Variants in SGO1 observed in about 807,000 individuals in gnomAD.
SGO1 encodes the protein shugoshin 1, also known as serologically defined breast cancer antigen NY-BR-85.
SGO1 carries 39 observed loss-of-function variants against 50.5 expected under a neutral mutation model. The observed-to-expected ratio is 0.77, with a 90% CI of 0.60 to 1.01. SGO1 has a LOEUF of 1.01. SGO1 is among the 50% of genes least tolerant of loss of function. The pLI, the probability that SGO1 is intolerant of heterozygous loss-of-function variation, is 0.00. For synonymous variants in SGO1, 191 were observed against 205.1 expected, an observed-to-expected ratio of 0.93 and a Z score of 0.59; for missense variants, 638 against 606.0, an observed-to-expected ratio of 1.05 and a Z score of -0.55.
chr3:20,186,658 G>A (rs560928796), upstream of SGO1: 1 of 152,306 alleles, frequency 6.6e-6, no homozygotes, highest in African/African-American at 2.4e-5. Flanking sequence ...GGATTAAAAA[G>A]GTATTAGGGA....
downstream of SGO1, chr3:20,169,094 G>A (rs1700471233): frequency 1.0e-6 from 1 of 985,254 alleles, no homozygotes; most frequent in South Asian, 4.7e-5. Flanking sequence ...AATCAGTGAT[G>A]TGGCGGATAG....
At chr3:20,178,435 G>A in intron 3 of SGO1, 88 bp from the exon 4 acceptor site, 1 of 916,018 alleles carries the variant, frequency 1.1e-6, no homozygotes, top group Non-Finnish European at 1.8e-6. Flanking sequence ...CTTGTTGACA[G>A]TCTATCATGG....
chr3:20,183,952 TTTTCTC>T lies in SGO1; in HGVS notation c.70_75del (p.Glu24_Lys25del). Reference sequence around the variant, plus strand: ...CCAATCTCTGCCAAGTTTTTATTCCTTTTCTCTTTCATTCGCTTCTTTATGTCTTCA... The same window carrying T: ...CCAATCTCTGCCAAGTTTTTATTCCTTTTCATTCGCTTCTTTATGTCTTCA... On this transcript the variant is annotated inframe_deletion, in exon 2 of 8. Coordinates refer to ENST00000412997, the MANE Select transcript of SGO1 (RefSeq NM_001199251.3). The T allele has an allele frequency of 1.2e-6, 2 of 1,612,744 alleles. No individual in the cohort carries two copies. Among genetic ancestry groups the T allele is most frequent in the Non-Finnish European group, 1.7e-6 (2 of 1,179,640 alleles).
intron 6 of SGO1, 108 bp downstream of exon 6, chr3:20,174,141 G>A: frequency 1.1e-6 from 1 of 885,536 alleles, no homozygotes; most frequent in South Asian, 1.7e-5. Context: ...CAGATGGTAA[G>A]TCTCCAACCT....
At chr3:20,165,513 CAAG>C (rs1437659032), downstream of SGO1, among the ~76,000 whole-genome samples, 5 of 152,172 alleles carry the variant, frequency 3.3e-5, no homozygotes, top group East Asian at 5.8e-4. Context: ...TAAACAGATT[CAAG>C]AAGAATTAGA....
At chr3:20,178,814 T>C (rs1297878507) in intron 3 of SGO1, among the ~76,000 whole-genome samples, 1 of 151,954 alleles carries the variant, frequency 6.6e-6, no homozygotes, top group Non-Finnish European at 1.5e-5. Context: ...CTGAGAACAG[T>C]AGGAGATGTA....
At chr3:20,167,931 A>G (rs2125243699), downstream of SGO1, among the ~76,000 whole-genome samples, 1 of 152,314 alleles carries the variant, frequency 6.6e-6, no homozygotes, top group South Asian at 2.1e-4. Context: ...ATTGTGTCTC[A>G]AAAGAAGAAA....
At chr3:20,180,167 G>A (rs1428144716) in intron 3 of SGO1, among the ~76,000 whole-genome samples, 1 of 152,122 alleles carries the variant, frequency 6.6e-6, no homozygotes, top group Non-Finnish European at 1.5e-5. Context: ...GCGTGGTGGT[G>A]TTCCAGCTAT....
At position 20,174,941 on chromosome 3, in the gene SGO1, T is replaced by G; in HGVS notation, c.590A>C (p.Lys197Thr). ...RTVSVRSSLKKHCNSICQFDS... is the reference protein window; with the variant it reads ...RTVSVRSSLKTHCNSICQFDS... ...AAACTGACATATACTGTTACAATGT[T>G]TCTTTAAACTGCTACGAACAGATAC... The change falls in exon 6 of 8, where the codon AAA (lysine) becomes ACA (threonine). Residue 197 changes from lysine to threonine, a missense_variant. Transcript: ENST00000412997. 1.8e-5 allele frequency: 29 copies of G among 1,614,098 alleles called. No individual in the cohort carries two copies. The highest frequency in any genetic ancestry group is 2.4e-5 in the Non-Finnish European group (28 of 1,179,970).
intron 5 of SGO1, 143 bp from the exon 6 acceptor site, chr3:20,175,198 A>T: frequency 1.2e-6 from 1 of 855,846 alleles, no homozygotes; most frequent in Non-Finnish European, 1.6e-6. Flanking sequence ...TGTAAATAAA[A>T]ACCTGGGAAC....
chr3:20,176,697 T>A, intron 4 of SGO1, 38 bp from the exon 5 acceptor site: 1 of 1,346,032 alleles, frequency 7.4e-7, no homozygotes, highest in Non-Finnish European at 1.0e-6. Context: ...ATTTAACAAT[T>A]ATGTAATAAA....
chr3:20,170,458 C>T lies in SGO1; in HGVS notation c.*246G>A, dbSNP rs1026282765. 4.7e-5 allele frequency: 50 copies of T among 1,057,984 alleles called. No homozygotes were observed. The highest frequency in any genetic ancestry group is 5.6e-5 in the Non-Finnish European group (49 of 878,546). The allele number at this position is 1,057,984 out of a possible 1,614,324, so 65.5% of individuals were successfully genotyped here. ...AAGAGGTTTAGGCAGCATAAGAAAT[C>T]GATATGATGATAATGCTTAAGCTCA... On this transcript the variant is annotated 3_prime_UTR_variant, in exon 8 of 8. Coordinates refer to ENST00000412997, the MANE Select transcript of SGO1 (RefSeq NM_001199251.3).
chr3:20,185,446 C>G (rs1318092009), intron 1 of SGO1, among the ~76,000 whole-genome samples: 3 of 152,080 alleles, frequency 2.0e-5, no homozygotes, highest in Non-Finnish European at 4.4e-5. Context: ...GGGATGAAAG[C>G]AAAGACAGAC....
At chr3:20,182,611 T>C (rs901726220) in intron 3 of SGO1, among the ~76,000 whole-genome samples, 1 of 152,224 alleles carries the variant, frequency 6.6e-6, no homozygotes, top group African/African-American at 2.4e-5. Flanking sequence ...CACAATGGTA[T>C]AGCCAGACAC....
At chr3:20,164,266 G>T (rs1700185643) in intron 8 of SGO1, among the ~76,000 whole-genome samples, 1 of 152,020 alleles carries the variant, frequency 6.6e-6, no homozygotes, top group Admixed American at 6.6e-5. Context: ...TTAACTCAAG[G>T]TTGGTTTAAC....
Position 20,171,308 on chromosome 3 carries a change from A to G in SGO1, c.1283-76T>C, listed in dbSNP as rs934633636. 1.9e-5 allele frequency: 22 copies of G among 1,171,016 alleles called. No individual in the cohort carries two copies. The Admixed American group carries it at 4.4e-4, about 23-fold the overall frequency. The allele number at this position is 1,171,016 out of a possible 1,614,324, so 72.5% of individuals were successfully genotyped here. A position where few individuals can be genotyped will look rare whatever the true frequency, so the allele number is the denominator to read the frequency against. On this transcript the variant is annotated intron_variant, in intron 6 of 7. Transcript: ENST00000412997. ...AAACTTAAATTGTACTCAATTGTAT[A>G]TATCTTAACTGTACACAAAATCCAG...
chr3:20,161,107 A>C, exon 9 of SGO1: 1 of 1,613,908 alleles, frequency 6.2e-7, no homozygotes, highest in South Asian at 1.1e-5. Context: ...CGTGGACTTT[A>C]CCTCAAGCAG....
At position 20,174,864 on chromosome 3, in the gene SGO1, A is replaced by C. The variant is rs1293139333; in HGVS notation, c.667T>G (p.Phe223Val). ...TSHLAGKSFE[F>V]ERVGFLDPLV... Reference sequence around the variant, plus strand: ...GGGTCTAAAAATCCAACTCTTTCGAATTCAAAAGACTTCCCTGCCAAATGA... The same window carrying C: ...GGGTCTAAAAATCCAACTCTTTCGACTTCAAAAGACTTCCCTGCCAAATGA... The change falls in exon 6 of 8, where the codon TTC (phenylalanine) becomes GTC (valine). Residue 223 changes from phenylalanine to valine, a missense_variant. Transcript: ENST00000412997. 9 of 1,613,992 alleles carry C rather than the reference A, an allele frequency of 5.6e-6. No homozygotes were observed. The highest frequency in any genetic ancestry group is 7.6e-6 in the Non-Finnish European group (9 of 1,179,976).
At chr3:20,163,222 A>G (rs1190808612) in intron 8 of SGO1, among the ~76,000 whole-genome samples, 1 of 152,154 alleles carries the variant, frequency 6.6e-6, no homozygotes, top group East Asian at 1.9e-4. Context: ...AGAAGAAAGC[A>G]CAAATAATCC....
Sources: gnomAD v4.1 joint callset for allele counts (sites outside exome capture counted in the v4.1 genomes callset) on GRCh38, gnomAD v4.1.1 for gene constraint, MANE v1.5 for transcripts, NCBI Gene and HGNC (gene_info 2026-07-23, HGNC 2026-07-21) for gene names.